Variants in TAFA1 observed in about 807,000 individuals in gnomAD.
TAFA1 encodes TAFA chemokine like family member 1, also known as chemokine-like protein TAFA-1.
TAFA1 carries 4 observed loss-of-function variants against 18.5 expected under a neutral mutation model. That is an observed-to-expected ratio of 0.22 (90% CI 0.11 to 0.49). TAFA1 has a LOEUF of 0.49. Among genes scored for constraint, TAFA1 ranks in the 20% least tolerant of loss-of-function variants. The probability of loss-of-function intolerance (pLI) is 0.98; values close to 1 mark genes in which losing one functional copy is unlikely to be tolerated. For synonymous variants in TAFA1, 56 were observed against 55.2 expected (o/e 1.01, Z -0.06); for missense variants, 147 against 169.0 (o/e 0.87, Z 0.72).
At chr3:68,533,154 C>T (rs538283661) in intron 3 of TAFA1, among the ~76,000 whole-genome samples, 10 of 151,088 alleles carry the variant, frequency 6.6e-5, no homozygotes, top group South Asian at 2.1e-4. Context: ...TGTATTAGTC[C>T]GTTTTCACAC....
chr3:68,540,157 T>C (rs1446637393), intron 4 of TAFA1, among the ~76,000 whole-genome samples: 1 of 152,190 alleles, frequency 6.6e-6, no homozygotes, highest in African/African-American at 2.4e-5. Flanking sequence ...ATAAAACTTA[T>C]TTTTCACATA....
intron 3 of TAFA1, among the ~76,000 whole-genome samples, chr3:68,513,619 A>C (rs1225648335): frequency 2.6e-5 from 4 of 152,100 alleles, no homozygotes. Flanking sequence ...AAGTCCCTCC[A>C]AACTGTGAGC....
At chr3:68,446,879 G>A (rs1057506201) in intron 3 of TAFA1, among the ~76,000 whole-genome samples, 1 of 152,162 alleles carries the variant, frequency 6.6e-6, no homozygotes, top group South Asian at 2.1e-4. Flanking sequence ...GTGGAGTGGA[G>A]TAGTCAGAAT....
At chr3:68,341,170 T>C (rs538091341) in intron 2 of TAFA1, among the ~76,000 whole-genome samples, 1 of 152,198 alleles carries the variant, frequency 6.6e-6, no homozygotes, top group Non-Finnish European at 1.5e-5. Flanking sequence ...CATAGTTTTA[T>C]TAATACTCAA....
chr3:68,123,041 T>C (rs776409230), intron 2 of TAFA1, among the ~76,000 whole-genome samples: 7 of 151,958 alleles, frequency 4.6e-5, no homozygotes, highest in Non-Finnish European at 1.0e-4. Flanking sequence ...ATTTCTTCCT[T>C]CCTCCCTTCC....
At chr3:68,407,869 C>G (rs1419428727) in intron 2 of TAFA1, among the ~76,000 whole-genome samples, 1 of 152,082 alleles carries the variant, frequency 6.6e-6, no homozygotes, top group Admixed American at 6.6e-5. Context: ...TGTTTAATCT[C>G]AAGCATAAAC....
intron 2 of TAFA1, among the ~76,000 whole-genome samples, chr3:68,277,330 C>T (rs535176363): frequency 6.6e-6 from 1 of 152,208 alleles, no homozygotes; most frequent in Admixed American, 6.5e-5. Flanking sequence ...GAGAGTCAAC[C>T]AGGGCTGATG....
chr3:68,009,944 CAA>C (rs199574999), intron 2 of TAFA1, among the ~76,000 whole-genome samples: 10,530 of 151,852 alleles, frequency 0.069, 424 homozygotes, highest in Non-Finnish European at 0.093. Context: ...GATAAATGAG[CAA>C]AAAGGAAAAA....
At chr3:68,490,692 C>T (rs1215797058) in intron 3 of TAFA1, among the ~76,000 whole-genome samples, 1 of 151,884 alleles carries the variant, frequency 6.6e-6, no homozygotes, top group Non-Finnish European at 1.5e-5. Flanking sequence ...TAAAATATGC[C>T]ATTTACATTA....
intron 2 of TAFA1, among the ~76,000 whole-genome samples, chr3:68,169,590 T>C: frequency 6.6e-6 from 1 of 152,368 alleles, no homozygotes; most frequent in South Asian, 2.1e-4. Context: ...GGAAGTTCAT[T>C]ACTCTGCAAT....
intron 2 of TAFA1, among the ~76,000 whole-genome samples, chr3:68,392,999 C>T (rs751918831): frequency 2.9e-4 from 44 of 152,102 alleles, no homozygotes; most frequent in Middle Eastern, 3.4e-3. Flanking sequence ...CAAAAAATAA[C>T]TAAGATCAGA....
At chr3:68,163,127 A>G (rs1476937203) in intron 2 of TAFA1, among the ~76,000 whole-genome samples, 1 of 152,210 alleles carries the variant, frequency 6.6e-6, no homozygotes, top group Non-Finnish European at 1.5e-5. Context: ...TCAAGAGCAT[A>G]ACAATTTATT....
intron 2 of TAFA1, among the ~76,000 whole-genome samples, chr3:68,165,874 T>C (rs1323557033): frequency 6.6e-6 from 1 of 152,240 alleles, no homozygotes; most frequent in African/African-American, 2.4e-5. Context: ...TGGCACATAG[T>C]ATGCACTCAA....
intron 3 of TAFA1, among the ~76,000 whole-genome samples, chr3:68,492,902 A>G (rs2106686047): frequency 6.6e-6 from 1 of 152,296 alleles, no homozygotes; most frequent in East Asian, 1.9e-4. Flanking sequence ...CAGTTTTTGA[A>G]TATACAGATT....
intron 2 of TAFA1, among the ~76,000 whole-genome samples, chr3:68,158,608 A>AT (rs1401963011): frequency 6.6e-6 from 1 of 152,074 alleles, no homozygotes; most frequent in Non-Finnish European, 1.5e-5. Flanking sequence ...AATATAAGGT[A>AT]CAGTCATTGG....
At chr3:68,281,329 A>T (rs1161785854) in intron 2 of TAFA1, among the ~76,000 whole-genome samples, 1 of 152,136 alleles carries the variant, frequency 6.6e-6, no homozygotes, top group South Asian at 2.1e-4. Context: ...TTTTTTTGAG[A>T]TTATCTTTAT....
Position 68,407,809 on chromosome 3 carries a change from C to CT in TAFA1, c.119-9465dup, listed in dbSNP as rs35546276. The stretch of plus-strand genomic sequence containing the variant: ...GCCCAGAATTTCTTCCTTTTTCCTA[C>CT]TTTTTTCCTTTACATACCCGAGGAC... On this transcript the variant is annotated intron_variant, in intron 2 of 4. Coordinates refer to ENST00000478136, the MANE Select transcript of TAFA1 (RefSeq NM_213609.4). Among the ~76,000 whole-genome samples, 1,155 of 152,164 alleles carry CT rather than the reference C, an allele frequency of 7.6e-3. 7 individuals carry two copies. Among genetic ancestry groups the CT allele is most frequent in the Non-Finnish European group, 0.013 (867 of 67,988 alleles).
intron 3 of TAFA1, among the ~76,000 whole-genome samples, chr3:68,531,771 A>G (rs912185184): frequency 3.3e-5 from 5 of 152,068 alleles, no homozygotes. Flanking sequence ...TTAGAGAGAC[A>G]GTTTAACAAG....
chr3:68,048,578 C>T (rs1178264246), intron 2 of TAFA1, among the ~76,000 whole-genome samples: 1 of 152,060 alleles, frequency 6.6e-6, no homozygotes, highest in African/African-American at 2.4e-5. Context: ...TTGTACACAT[C>T]AACTATCCCT....
Sources: allele counts gnomAD v4.1 joint callset (sites outside exome capture counted in the v4.1 genomes callset), GRCh38; gene constraint gnomAD v4.1.1; transcripts MANE v1.5; gene names NCBI Gene and HGNC (gene_info 2026-07-23, HGNC 2026-07-21).